The following TANGO6 variants were observed in gnomAD, a reference collection of about 807,000 sequenced individuals.
TANGO6 encodes transport and Golgi organization protein 6 homolog.
TANGO6 carries 90 observed loss-of-function variants against 114.2 expected under a neutral mutation model. That is an observed-to-expected ratio of 0.79 (90% CI 0.66 to 0.94). The LOEUF (loss-of-function observed/expected upper bound fraction) is 0.94. Among genes scored for constraint, TANGO6 ranks in the 40% least tolerant of loss-of-function variants. The pLI is 0.00. For synonymous variants in TANGO6, 477 were observed against 509.8 expected (o/e 0.94, Z 0.87); for missense variants, 1,274 against 1,315.3 (o/e 0.97, Z 0.49).
At chr16:69,018,755 T>C (rs1447430761) in intron 15 of TANGO6, among the ~76,000 whole-genome samples, 1 of 151,450 alleles carries the variant, frequency 6.6e-6, no homozygotes, top group Non-Finnish European at 1.5e-5. Flanking sequence ...ACCCCATCTC[T>C]ACTAAAAATA....
chr16:68,980,196 T>C (rs1394035303), intron 15 of TANGO6, among the ~76,000 whole-genome samples: 7 of 151,806 alleles, frequency 4.6e-5, no homozygotes, highest in Non-Finnish European at 7.4e-5. Flanking sequence ...CTTGAACCAT[T>C]GACATTTATA....
chr16:68,979,208 C>T (rs1285126678), intron 15 of TANGO6, among the ~76,000 whole-genome samples: 3 of 151,866 alleles, frequency 2.0e-5, no homozygotes, highest in African/African-American at 4.8e-5. Context: ...GCGTAAACCA[C>T]AGCACCCAGC....
intron 6 of TANGO6, among the ~76,000 whole-genome samples, chr16:68,879,614 T>C (rs1490703125): frequency 6.6e-6 from 1 of 150,566 alleles, no homozygotes; most frequent in Non-Finnish European, 1.5e-5. Context: ...TCTGCCATTT[T>C]CTTTCTTTTT....
chr16:68,922,397 T>G (rs1054924017), intron 12 of TANGO6, among the ~76,000 whole-genome samples: 3 of 151,786 alleles, frequency 2.0e-5, no homozygotes, highest in Non-Finnish European at 2.9e-5. Flanking sequence ...TCAGCCGGGC[T>G]TGGTGGCGCG....
chr16:69,030,551 G>T (rs1159955110), intron 16 of TANGO6, among the ~76,000 whole-genome samples: 1 of 152,042 alleles, frequency 6.6e-6, no homozygotes, highest in Non-Finnish European at 1.5e-5. Flanking sequence ...GGTGGCAGAA[G>T]CTAAGGCAAG....
chr16:68,992,150 T>G (rs1445230747), intron 15 of TANGO6, among the ~76,000 whole-genome samples: 3 of 152,212 alleles, frequency 2.0e-5, no homozygotes, highest in Non-Finnish European at 2.9e-5. Context: ...TCACTATATT[T>G]AGTCTTCTAG....
chr16:68,914,148 A>C (rs1962966593), intron 11 of TANGO6, among the ~76,000 whole-genome samples: 1 of 152,120 alleles, frequency 6.6e-6, no homozygotes, highest in African/African-American at 2.4e-5. Context: ...TGCTTGGTAA[A>C]TAGTGAATGT....
intron 7 of TANGO6, among the ~76,000 whole-genome samples, chr16:68,892,899 G>A (rs1003043919): frequency 2.0e-5 from 3 of 152,154 alleles, no homozygotes; most frequent in Non-Finnish European, 4.4e-5. Flanking sequence ...GCTACCTTAA[G>A]TTCTCTCCCT....
chr16:68,966,755 C>T (rs1013036086), intron 14 of TANGO6, among the ~76,000 whole-genome samples: 1 of 151,156 alleles, frequency 6.6e-6, no homozygotes, highest in Non-Finnish European at 1.5e-5. Context: ...AGGCATGCAC[C>T]ACCATGTCTG....
At chr16:68,908,997 T>C (rs903356685) in intron 10 of TANGO6, among the ~76,000 whole-genome samples, 1 of 152,262 alleles carries the variant, frequency 6.6e-6, no homozygotes, top group African/African-American at 2.4e-5. Context: ...AATTCATTTA[T>C]TTTAACTGCT....
At chr16:68,852,697 G>A (rs1386675695) in intron 1 of TANGO6, among the ~76,000 whole-genome samples, 4 of 152,002 alleles carry the variant, frequency 2.6e-5, no homozygotes, top group Non-Finnish European at 5.9e-5. Context: ...GTCAGGTGGG[G>A]TGGTATGCAA....
At chr16:68,917,175 A>C (rs1189107941) in intron 11 of TANGO6, among the ~76,000 whole-genome samples, 1 of 152,102 alleles carries the variant, frequency 6.6e-6, no homozygotes, top group African/African-American at 2.4e-5. Context: ...TGGCCTTTTC[A>C]GCTTGGCTTC....
chr16:69,025,167 G>A (rs780982773), intron 16 of TANGO6, among the ~76,000 whole-genome samples: 9 of 152,216 alleles, frequency 5.9e-5, no homozygotes, highest in Non-Finnish European at 7.3e-5. Context: ...CCATGCTGGC[G>A]TGCCCCAGCT....
chr16:68,939,443 T>C (rs1443135193), intron 14 of TANGO6, among the ~76,000 whole-genome samples: 3 of 152,292 alleles, frequency 2.0e-5, no homozygotes, highest in Admixed American at 2.0e-4. Context: ...GTAGTTGTCA[T>C]TAAGTAGTAT....
chr16:68,936,677 C>T (rs762222478), intron 14 of TANGO6, among the ~76,000 whole-genome samples: 40 of 152,036 alleles, frequency 2.6e-4, no homozygotes, highest in Admixed American at 1.3e-4. Flanking sequence ...TTCATATGTC[C>T]TCTCAGTCAC....
chr16:69,040,583 A>G (rs1216101657), intron 17 of TANGO6, among the ~76,000 whole-genome samples, 162 bp downstream of exon 17: 1 of 152,168 alleles, frequency 6.6e-6, no homozygotes, highest in Non-Finnish European at 1.5e-5. Context: ...CCTTGTTTGT[A>G]TCTTCGGTGT....
At chr16:69,070,886 G>T (rs1181138833) in intron 17 of TANGO6, among the ~76,000 whole-genome samples, 1 of 151,516 alleles carries the variant, frequency 6.6e-6, no homozygotes, top group African/African-American at 2.4e-5. Context: ...CAATCCTCCT[G>T]CCTCAGCCTC....
intron 15 of TANGO6, among the ~76,000 whole-genome samples, chr16:68,977,887 T>C (rs1193423972): frequency 1.3e-5 from 2 of 151,920 alleles, no homozygotes; most frequent in African/African-American, 2.4e-5. Flanking sequence ...GGTTTCACCA[T>C]GTTGGACAGG....
chr16:68,897,417 CA>C (rs1895023779), intron 7 of TANGO6, among the ~76,000 whole-genome samples: 1 of 152,054 alleles, frequency 6.6e-6, no homozygotes. Context: ...TGTGCTAGCA[CA>C]AAAGTGGCAC....
Sources: allele counts gnomAD v4.1 joint callset (sites outside exome capture counted in the v4.1 genomes callset), GRCh38; gene constraint gnomAD v4.1.1; transcripts MANE v1.5; gene names NCBI Gene and HGNC (gene_info 2026-07-23, HGNC 2026-07-21).